The following ZFAND6 variants were observed in gnomAD, a reference collection of about 807,000 sequenced individuals.
ZFAND6 encodes the protein zinc finger AN1-type containing 6.
ZFAND6 carries 12 observed loss-of-function variants against 24.5 expected under a neutral mutation model. The observed-to-expected ratio is 0.49, with a 90% CI of 0.31 to 0.79. The LOEUF is 0.79. ZFAND6 is among the 30% of genes least tolerant of loss of function. ZFAND6 has a pLI of 0.04. For missense variants in ZFAND6, 207 were observed against 245.9 expected (o/e 0.84, Z 1.06); for synonymous variants, 92 against 81.5 (o/e 1.13, Z -0.69).
intron 1 of ZFAND6, among the ~76,000 whole-genome samples, chr15:80,076,670 C>G (rs114006032): frequency 1.2e-3 from 189 of 152,260 alleles, no homozygotes; most frequent in African/African-American, 4.1e-3. Context: ...GCTAATTTGT[C>G]TAAGGTCTCC....
intron 5 of ZFAND6, among the ~76,000 whole-genome samples, chr15:80,127,151 A>G (rs2040401768): frequency 6.6e-6 from 1 of 152,168 alleles, no homozygotes; most frequent in African/African-American, 2.4e-5. Flanking sequence ...ATGAGAGAAA[A>G]AATACTTTGA....
chr15:80,129,628 A>G (rs995621589), intron 5 of ZFAND6: 1 of 152,200 alleles, frequency 6.6e-6, no homozygotes, highest in Non-Finnish European at 1.5e-5. Flanking sequence ...GTGGTTGGAG[A>G]CACTGGGATA....
chr15:80,098,080 G>C (rs528282308), intron 1 of ZFAND6, among the ~76,000 whole-genome samples: 1 of 152,144 alleles, frequency 6.6e-6, no homozygotes, highest in Non-Finnish European at 1.5e-5. Context: ...TGGTAAAAGT[G>C]TTCTTTAGTT....
At position 80,100,863 on chromosome 15, in the gene ZFAND6, C is replaced by T. The variant is rs79062779; in HGVS notation, c.-18+2285C>T. Among the ~76,000 whole-genome samples, 402 of 152,342 alleles carry T rather than the reference C, an allele frequency of 2.6e-3. 2 individuals are homozygous for T. The highest frequency in any genetic ancestry group is 4.1e-3 in the Non-Finnish European group (280 of 68,036). On this transcript the variant is annotated intron_variant, in intron 2 of 6. Coordinates refer to ENST00000261749, the MANE Select transcript of ZFAND6 (RefSeq NM_019006.4). Reference sequence around the variant, plus strand: ...TTCAGATCCTAGCTGTCCCTTCTAACATCTCTGTGATACTGAGCAAATTTC... The same window carrying T: ...TTCAGATCCTAGCTGTCCCTTCTAATATCTCTGTGATACTGAGCAAATTTC...
At chr15:80,101,790 T>TG (rs1160871046) in intron 2 of ZFAND6, among the ~76,000 whole-genome samples, 1 of 145,244 alleles carries the variant, frequency 6.9e-6, no homozygotes, top group African/African-American at 2.6e-5. Context: ...TTATGTAAAG[T>TG]GTTTTTTTTT....
At chr15:80,069,506 C>G (rs2036851989) in intron 1 of ZFAND6, among the ~76,000 whole-genome samples, 1 of 152,144 alleles carries the variant, frequency 6.6e-6, no homozygotes, top group African/African-American at 2.4e-5. Context: ...ATTCAAACTC[C>G]CCAACTCCTC....
chr15:80,125,255 G>A (rs921303002), intron 5 of ZFAND6, among the ~76,000 whole-genome samples: 1 of 152,138 alleles, frequency 6.6e-6, no homozygotes, highest in Non-Finnish European at 1.5e-5. Flanking sequence ...ATCTCCCTCA[G>A]TTCTCAGGGT....
intron 5 of ZFAND6, 94 bp from the exon 6 acceptor site, chr15:80,131,086 A>G: frequency 1.1e-6 from 1 of 901,234 alleles, no homozygotes; most frequent in Non-Finnish European, 1.6e-6. Flanking sequence ...TAAATTCCTC[A>G]GTATCCTCTG....
At chr15:80,082,744 A>G (rs912169118) in intron 1 of ZFAND6, among the ~76,000 whole-genome samples, 2 of 152,186 alleles carry the variant, frequency 1.3e-5, no homozygotes, top group Admixed American at 6.5e-5. Flanking sequence ...CAGATATTTA[A>G]GGAGTTTATT....
intron 5 of ZFAND6, among the ~76,000 whole-genome samples, chr15:80,128,656 A>G (rs1044131063): frequency 6.6e-6 from 1 of 152,238 alleles, no homozygotes; most frequent in Non-Finnish European, 1.5e-5. Flanking sequence ...ATTAGTTTCA[A>G]GTAAGCTGAG....
chr15:80,070,577 A>C (rs2036919548), intron 1 of ZFAND6, among the ~76,000 whole-genome samples: 1 of 152,200 alleles, frequency 6.6e-6, no homozygotes. Context: ...AGCAGGTCCC[A>C]GAGATCTTAA....
chr15:80,111,552 G>A (rs1305011991), intron 2 of ZFAND6: 3 of 455,766 alleles, frequency 6.6e-6, no homozygotes, highest in South Asian at 3.1e-5. Flanking sequence ...CAATACAGTG[G>A]CCTCTTGGTG....
In ZFAND6 at chr15:80,098,575, C is replaced by G. The variant is rs2038863169; in HGVS notation, c.-21C>G. On this transcript the variant is annotated 5_prime_UTR_variant, in exon 2 of 7. Transcript: ENST00000261749. ...ACAGCTGTTTGCTCATCAACCTCAA[C>G]TGTGTGAGTAGAGACTTAAGCCTGT... 6.6e-6 allele frequency: 1 copy of G among 152,174 alleles called. No individual in the cohort carries two copies. The highest frequency in any genetic ancestry group is 1.5e-5 in the Non-Finnish European group (1 of 68,024). The allele number at this position is 152,174 out of a possible 1,614,324, so 9.4% of individuals were successfully genotyped here.
chr15:80,112,477 A>G (rs568702575), intron 2 of ZFAND6, among the ~76,000 whole-genome samples: 1 of 151,924 alleles, frequency 6.6e-6, no homozygotes, highest in South Asian at 2.1e-4. Context: ...GGCTCACTGC[A>G]ACCTCCGCCT....
At chr15:80,068,344 A>G (rs564284286) in intron 1 of ZFAND6, among the ~76,000 whole-genome samples, 3 of 150,064 alleles carry the variant, frequency 2.0e-5, no homozygotes, top group African/African-American at 4.9e-5. Flanking sequence ...TTTTGTAGAG[A>G]TGGGGTTTCA....
chr15:80,077,847 C>CT (rs1371374538), intron 1 of ZFAND6, among the ~76,000 whole-genome samples: 3 of 151,602 alleles, frequency 2.0e-5, no homozygotes, highest in African/African-American at 7.3e-5. Context: ...CTACAGGTGT[C>CT]TGCCACCACG....
At chr15:80,078,118 G>T (rs2037403034) in intron 1 of ZFAND6, among the ~76,000 whole-genome samples, 1 of 152,112 alleles carries the variant, frequency 6.6e-6, no homozygotes, top group Non-Finnish European at 1.5e-5. Flanking sequence ...TGGGTAAATT[G>T]CATGTCACTG....
intron 1 of ZFAND6, among the ~76,000 whole-genome samples, chr15:80,063,074 G>T (rs1476617457): frequency 6.6e-6 from 1 of 152,022 alleles, no homozygotes; most frequent in African/African-American, 2.4e-5. Flanking sequence ...AAACCTCCCA[G>T]TAGCTTTTCA....
At chr15:80,127,848 CAGG>C (rs1353640938) in intron 5 of ZFAND6, among the ~76,000 whole-genome samples, 2 of 151,988 alleles carry the variant, frequency 1.3e-5, no homozygotes, top group Non-Finnish European at 2.9e-5. Flanking sequence ...TCCTGATTGC[CAGG>C]AGAATTGAAA....
Sources: gnomAD v4.1 joint callset for allele counts (sites outside exome capture counted in the v4.1 genomes callset) on GRCh38, gnomAD v4.1.1 for gene constraint, MANE v1.5 for transcripts, NCBI Gene and HGNC (gene_info 2026-07-23, HGNC 2026-07-21) for gene names.